Variants in NLRP5 observed in about 807,000 individuals in gnomAD.
NLRP5 encodes NACHT, LRR and PYD domains-containing protein 5.
A neutral mutation model predicts 113.1 loss-of-function variants in NLRP5; 93 were observed. The observed-to-expected ratio is 0.82, with a 90% CI of 0.70 to 0.98. The LOEUF is 0.98. Among genes scored for constraint, NLRP5 ranks in the 50% least tolerant of loss-of-function variants. NLRP5 has a pLI of 0.00. For missense variants in NLRP5, 1,808 were observed against 1,514.3 expected (o/e 1.19, Z -3.22); for synonymous variants, 751 against 600.7 (o/e 1.25, Z -3.66).
rs1482030306 is a variant in NLRP5 at position 56,032,701 on chromosome 19, C to A, written c.2367C>A (p.Gly789=). The stretch of plus-strand genomic sequence containing the variant: ...CACACCTGCGGCAGCTGGACCTGGG[C>A]AGCAGCATCCTGACAGAGCGGGCCA... Residue 789 remains glycine (G), a synonymous_variant, in exon 8 of 15, where the codon GGC becomes GGA. Transcript: ENST00000390649. The A allele has an allele frequency of 6.2e-7, 1 of 1,613,618 alleles. No individual in the cohort carries two copies. The highest frequency in any genetic ancestry group is 2.2e-5 in the East Asian group (1 of 44,868).
intron 11 of NLRP5, among the ~76,000 whole-genome samples, chr19:56,044,024 T>C (rs1983629407): frequency 6.6e-6 from 1 of 151,906 alleles, no homozygotes; most frequent in African/African-American, 2.4e-5. Flanking sequence ...TCCCATGTTA[T>C]CTTCTAGAAT....
chr19:56,008,118 C>T lies in NLRP5; in HGVS notation c.443-670C>T, dbSNP rs552703399. Among the ~76,000 whole-genome samples, 8 of 149,420 alleles carry T rather than the reference C, an allele frequency of 5.4e-5. 1 individual carries two copies. The South Asian group carries it at 8.7e-4, about 16-fold the overall frequency. On this transcript the variant is annotated intron_variant, in intron 2 of 14. Coordinates refer to ENST00000390649, the MANE Select transcript of NLRP5 (RefSeq NM_153447.4). ...TAATTTTTTGTATTTTTAGTAGAGA[C>T]GGGGTTTCACCATGTTAGCCAGGAT...
At chr19:56,004,222 G>A in intron 2 of NLRP5, 127 bp downstream of exon 2, 2 of 985,038 alleles carry the variant, frequency 2.0e-6, no homozygotes, top group Non-Finnish European at 3.0e-6. Context: ...GCTGTGAGAA[G>A]GATCCTATTG....
chr19:56,012,798 T>G (rs1982248761), intron 3 of NLRP5, among the ~76,000 whole-genome samples: 1 of 152,228 alleles, frequency 6.6e-6, no homozygotes, highest in Non-Finnish European at 1.5e-5. Flanking sequence ...CACCATTACA[T>G]ACCTTTGATA....
At chr19:56,008,254 CAG>C (rs1211332378) in intron 2 of NLRP5, among the ~76,000 whole-genome samples, 2 of 151,936 alleles carry the variant, frequency 1.3e-5, no homozygotes, top group African/African-American at 2.4e-5. Flanking sequence ...GAACTAAATG[CAG>C]AGAGAGAGAA....
chr19:56,049,984 A>T (rs1296445113), intron 11 of NLRP5, among the ~76,000 whole-genome samples: 1 of 151,994 alleles, frequency 6.6e-6, no homozygotes, highest in African/African-American at 2.4e-5. Context: ...TGTCAGAGGG[A>T]AGGTCTTAAA....
Position 56,050,587 on chromosome 19 carries a change from G to A in NLRP5, c.3127G>A (p.Glu1043Lys), listed in dbSNP as rs556673041. 8.1e-6 allele frequency: 13 copies of A among 1,613,262 alleles called. No individual in the cohort carries two copies. The East Asian group carries it at 2.5e-4, about 30-fold the overall frequency. The change falls in exon 12 of 15, where the codon GAG becomes AAG. Residue 1043 changes from glutamate (E) to lysine (K), a missense_variant and splice_region_variant. Glu to Lys is a moderately conservative substitution (Grantham distance 56). Transcript: ENST00000390649. ...ACCATCTTGTCATCTCCAGGACCTG[G>A]AGTGAGTTTCCCATGGGCGTTGGGT... is the stretch of plus-strand genomic sequence containing the variant.
chr19:56,005,440 T>TAC (rs1372414970), intron 2 of NLRP5, among the ~76,000 whole-genome samples: 2 of 148,010 alleles, frequency 1.4e-5, no homozygotes, highest in African/African-American at 5.0e-5. Flanking sequence ...TATTTATATA[T>TAC]ACACATATAT....
At chr19:56,056,133 G>A (rs1984141735) in intron 13 of NLRP5, among the ~76,000 whole-genome samples, 1 of 152,112 alleles carries the variant, frequency 6.6e-6, no homozygotes, top group African/African-American at 2.4e-5. Flanking sequence ...CACCTACCTT[G>A]TTCTACTGGG....
chr19:56,038,220 G>A, intron 10 of NLRP5, 25 bp downstream of exon 10: 1 of 1,579,606 alleles, frequency 6.3e-7, no homozygotes, highest in Non-Finnish European at 8.7e-7. Flanking sequence ...CTTTCCACCA[G>A]GATTATCGTA....
At chr19:56,001,642 A>G (rs961339129) in intron 1 of NLRP5, among the ~76,000 whole-genome samples, 1 of 152,088 alleles carries the variant, frequency 6.6e-6, no homozygotes, top group African/African-American at 2.4e-5. Context: ...AGAGCCAAAA[A>G]TCCGTGTTAA....
Position 56,050,426 on chromosome 19 carries a change from A to T in NLRP5, c.2966A>T (p.Gln989Leu). The change falls in exon 12 of 15, where the codon CAG becomes CTG. Residue 989 changes from glutamine to leucine, a missense_variant. Gln to Leu is a moderately radical substitution (Grantham distance 113). Coordinates refer to ENST00000390649, the MANE Select transcript of NLRP5 (RefSeq NM_153447.4). ...ATGTGTGTGCCCCACAGGCTGAATC[A>T]GTGCCACCTGGACACGGCTGGCTGT... 6.2e-7 allele frequency: 1 copy of T among 1,613,546 alleles called. No homozygotes were observed. Among genetic ancestry groups the T allele is most frequent in the Non-Finnish European group, 8.5e-7 (1 of 1,179,824 alleles).
chr19:56,056,937 C>T (rs574463390), intron 13 of NLRP5, among the ~76,000 whole-genome samples: 4 of 152,134 alleles, frequency 2.6e-5, no homozygotes, highest in East Asian at 3.9e-4. Context: ...GTCAGGAGTT[C>T]GAGACCAGAC....
intron 4 of NLRP5, 78 bp downstream of exon 4, chr19:56,015,876 C>T (rs186905655): frequency 1.8e-5 from 19 of 1,065,712 alleles, no homozygotes; most frequent in East Asian, 1.7e-4. Context: ...GTTCAAAGGA[C>T]GGGGAAATCC....
intron 6 of NLRP5, among the ~76,000 whole-genome samples, chr19:56,025,069 C>T (rs992752549): frequency 2.0e-5 from 3 of 151,922 alleles, no homozygotes; most frequent in African/African-American, 7.3e-5. Flanking sequence ...AATCTAATGC[C>T]TGATGATCTG....
chr19:56,044,067 C>CTTTT lies in NLRP5; in HGVS notation c.2957+2985_2957+2988dup, dbSNP rs35674471. On this transcript the variant is annotated intron_variant, in intron 11 of 14. Transcript: ENST00000390649. The stretch of plus-strand genomic sequence containing the variant: ...ATTTTTATAGTTTTAAGTCTTAGGT[C>CTTTT]TTTTTTTTTTTTTGGAGACAGAGTC... Among the ~76,000 whole-genome samples, 494 of 139,882 alleles carry CTTTT rather than the reference C, an allele frequency of 3.5e-3. 5 individuals are homozygous for CTTTT. Among genetic ancestry groups the CTTTT allele is most frequent in the African/African-American group, 0.012 (466 of 37,592 alleles). 91.8% of individuals were successfully genotyped at this position (139,882 alleles called of 152,430 possible).
At chr19:56,056,659 T>C (rs1434327438) in intron 13 of NLRP5, among the ~76,000 whole-genome samples, 1 of 152,228 alleles carries the variant, frequency 6.6e-6, no homozygotes. Flanking sequence ...TGCAGCACCT[T>C]ATACCATCAC....
chr19:56,033,590 C>G lies in NLRP5; in HGVS notation c.2496C>G (p.Ile832Met), dbSNP rs754155725. 2.5e-6 allele frequency: 4 copies of G among 1,613,656 alleles called. No individual in the cohort carries two copies. The Admixed American group carries it at 5.0e-5, about 20-fold the overall frequency. Residue 832 changes from isoleucine to methionine, a missense_variant, in exon 9 of 15, where the codon ATC becomes ATG. Ile to Met is a conservative substitution (Grantham distance 10). Transcript: ENST00000390649. ...CTGGTGTGCAGCACCTCTGGAGAAT[C>G]GTCATGGCCAACCGTAACCTAAGAT...
chr19:56,012,448 CTTTT>C (rs60128070), intron 3 of NLRP5, among the ~76,000 whole-genome samples: 4 of 136,134 alleles, frequency 2.9e-5, no homozygotes, highest in Non-Finnish European at 6.3e-5. Context: ...GCGCCTTGGC[CTTTT>C]TTTTTTTTTT....
Sources: allele counts gnomAD v4.1 joint callset (sites outside exome capture counted in the v4.1 genomes callset), GRCh38; gene constraint gnomAD v4.1.1; transcripts MANE v1.5; gene names NCBI Gene and HGNC (gene_info 2026-07-23, HGNC 2026-07-21).